Variants in UBE2U observed in about 807,000 individuals in gnomAD.
UBE2U encodes the protein ubiquitin-conjugating enzyme E2 U.
UBE2U carries 39 observed loss-of-function variants against 41.2 expected under a neutral mutation model. The ratio of observed to expected loss-of-function variants is 0.95; its 90% CI spans 0.73 to 1.24. The LOEUF (loss-of-function observed/expected upper bound fraction) is 1.24, where lower values mean the gene tolerates loss of function less well. UBE2U is among the 50% of genes most tolerant of loss of function. UBE2U has a pLI of 0.00. For missense variants in UBE2U, 336 were observed against 363.1 expected (o/e 0.93, Z 0.61); for synonymous variants, 107 against 117.8 (o/e 0.91, Z 0.60).
Position 64,203,770 on chromosome 1 carries a change from T to G in UBE2U, c.-281T>G, listed in dbSNP as rs1651117365. 1 of 334,404 alleles carries G rather than the reference T, an allele frequency of 3.0e-6. No homozygotes were observed. Among genetic ancestry groups the G allele is most frequent in the African/African-American group, 2.1e-5 (1 of 47,498 alleles). 20.7% of individuals were successfully genotyped at this position (334,404 alleles called of 1,614,324 possible). On this transcript the variant is annotated 5_prime_UTR_variant, in exon 1 of 10. Transcript: ENST00000371077. ...TCTCCGTTACTCATCCAAGTTTGTC[T>G]TGAGACTGGGCTGTGAGCCGGCACT...
intron 8 of UBE2U, among the ~76,000 whole-genome samples, chr1:64,243,777 G>A (rs825192): frequency 0.012 from 1,833 of 152,140 alleles, 27 homozygotes; most frequent in African/African-American, 0.042. Context: ...CTTCTGCCTC[G>A]GATCAGCAAG....
At chr1:64,230,536 A>G (rs1185799962) in intron 6 of UBE2U, among the ~76,000 whole-genome samples, 1 of 151,984 alleles carries the variant, frequency 6.6e-6, no homozygotes, top group African/African-American at 2.4e-5. Flanking sequence ...TGTGCACGCC[A>G]TGCTCTCTCC....
At chr1:64,245,969 GTTTC>G (rs1249825405) in intron 8 of UBE2U, among the ~76,000 whole-genome samples, 4 of 152,056 alleles carry the variant, frequency 2.6e-5, no homozygotes, top group African/African-American at 4.8e-5. Flanking sequence ...AAACTAAACT[GTTTC>G]TTTCTTGCCT....
chr1:64,242,923 C>A (rs919467334), intron 8 of UBE2U, among the ~76,000 whole-genome samples: 9 of 151,916 alleles, frequency 5.9e-5, no homozygotes, highest in Non-Finnish European at 1.2e-4. Flanking sequence ...TTTTTATTTC[C>A]TTTAACAGAA....
chr1:64,240,922 G>C (rs547134278), intron 7 of UBE2U, among the ~76,000 whole-genome samples: 2 of 152,132 alleles, frequency 1.3e-5, no homozygotes, highest in South Asian at 4.1e-4. Context: ...TGGAGATGGG[G>C]TTTCACCACA....
chr1:64,250,368 C>A (rs1644986593), intron 8 of UBE2U, among the ~76,000 whole-genome samples: 1 of 152,072 alleles, frequency 6.6e-6, no homozygotes, highest in South Asian at 2.1e-4. Context: ...AACTTTAAAC[C>A]CAGATGGCTT....
At chr1:64,266,210 A>C (rs1469415057) in intron 9 of UBE2U, among the ~76,000 whole-genome samples, 15 of 152,190 alleles carry the variant, frequency 9.9e-5, no homozygotes, top group Non-Finnish European at 1.8e-4. Context: ...TCCTTTTGAA[A>C]AGTATAATCA....
chr1:64,239,097 A>G (rs1485921700), intron 7 of UBE2U, among the ~76,000 whole-genome samples: 41 of 6,488 alleles, frequency 6.3e-3, no homozygotes, highest in African/African-American at 0.029. Flanking sequence ...GAAGAGGAAG[A>G]AGAAGAAGAA....
chr1:64,207,844 C>G (rs1161253435), intron 3 of UBE2U, among the ~76,000 whole-genome samples: 1 of 152,056 alleles, frequency 6.6e-6, no homozygotes, highest in Non-Finnish European at 1.5e-5. Flanking sequence ...CGGCCCAGGA[C>G]ATTATACTCA....
chr1:64,239,133 AAG>A lies in UBE2U; in HGVS notation c.596-2517_596-2516del, dbSNP rs1491175771. The stretch of plus-strand genomic sequence containing the variant: ...GAAGAAGAAGAAGAAGAAGAAGAAG[AAG>A]AAGAAGAAGAAGAAGAAGAAGAAAG... On this transcript the variant is annotated intron_variant, in intron 7 of 9. Transcript: ENST00000371077. 3.6e-4 allele frequency among the ~76,000 whole-genome samples: 9 copies of A among 25,022 alleles called. No individual in the cohort carries two copies. The Admixed American group carries it at 3.8e-3, about 11-fold the overall frequency. The allele number at this position is 25,022 out of a possible 152,430, so 16.4% of individuals were successfully genotyped here. A position where few individuals can be genotyped will look rare whatever the true frequency, so the allele number is the denominator to read the frequency against.
intron 7 of UBE2U, among the ~76,000 whole-genome samples, chr1:64,240,452 C>T (rs1004354331): frequency 6.6e-6 from 1 of 152,132 alleles, no homozygotes; most frequent in Non-Finnish European, 1.5e-5. Flanking sequence ...AAACTCACAG[C>T]AGTCAGATTA....
In UBE2U at chr1:64,267,215, C is replaced by A; in HGVS notation, c.*7C>A. ...AAATACTTCAGAAGATTAAGCAGAA[C>A]ATTATCAGATTCAAAAAATAAACAG... is the stretch of plus-strand genomic sequence containing the variant. On this transcript the variant is annotated 3_prime_UTR_variant, in exon 10 of 10. Coordinates refer to ENST00000371077, the MANE Select transcript of UBE2U (RefSeq NM_001366232.2). 6.7e-7 allele frequency: 1 copy of A among 1,484,824 alleles called. No individual in the cohort carries two copies. Among genetic ancestry groups the A allele is most frequent in the Non-Finnish European group, 8.9e-7 (1 of 1,119,268 alleles). 92.0% of individuals were successfully genotyped at this position (1,484,824 alleles called of 1,614,324 possible). A position where few individuals can be genotyped will look rare whatever the true frequency, so the allele number is the denominator to read the frequency against.
intron 7 of UBE2U, among the ~76,000 whole-genome samples, chr1:64,239,172 G>GAAGAAGAAGAAGAAGAAGAAGAA (rs1644779769): frequency 5.1e-4 from 49 of 95,704 alleles, no homozygotes; most frequent in African/African-American, 2.2e-3. Context: ...AGAAGAAGAA[G>GAAGAAGAAGAAGAAGAAGAAGAA]AAGAAGAAGA....
At chr1:64,238,859 T>G (rs1395118468) in intron 7 of UBE2U, among the ~76,000 whole-genome samples, 1 of 151,618 alleles carries the variant, frequency 6.6e-6, no homozygotes, top group Non-Finnish European at 1.5e-5. Flanking sequence ...CTGGGCAAAA[T>G]AGGGAGACCC....
chr1:64,228,026 C>T (rs1652995454), intron 6 of UBE2U, among the ~76,000 whole-genome samples: 1 of 152,080 alleles, frequency 6.6e-6, no homozygotes, highest in Non-Finnish European at 1.5e-5. Flanking sequence ...CAGTCTCAAT[C>T]AAAATCTTAG....
At chr1:64,213,566 A>G (rs1375226272) in intron 4 of UBE2U, among the ~76,000 whole-genome samples, 8 of 152,208 alleles carry the variant, frequency 5.3e-5, no homozygotes, top group African/African-American at 1.9e-4. Context: ...GTCTTCCCCT[A>G]TTGGACTGCA....
intron 7 of UBE2U, among the ~76,000 whole-genome samples, chr1:64,239,150 GA>G (rs1415800054): frequency 0.043 from 1,215 of 28,168 alleles, 42 homozygotes; most frequent in African/African-American, 0.083. Context: ...AGAAGAAGAA[GA>G]AGAAGAAAGA....
At chr1:64,256,855 CATCT>C (rs1645100827) in intron 8 of UBE2U, among the ~76,000 whole-genome samples, 1 of 151,270 alleles carries the variant, frequency 6.6e-6, no homozygotes, top group Non-Finnish European at 1.5e-5. Flanking sequence ...AAAATTTTGC[CATCT>C]ATCCATCTGA....
At position 64,205,661 on chromosome 1, in the gene UBE2U, G is replaced by A. The variant is rs776710510; in HGVS notation, c.89G>A (p.Ser30Asn). The change falls in exon 2 of 10, where the codon AGT (serine) becomes AAT (asparagine). Residue 30 changes from serine to asparagine, a missense_variant. Transcript: ENST00000371077. ...NYKGITAKPV[S>N]EDMMEWEVEI... ...AAGGGTATCACTGCTAAGCCTGTAA[G>A]TGAAGATATGATGGAATGGGAAGTT... 1.9e-6 allele frequency: 3 copies of A among 1,613,200 alleles called. No homozygotes were observed. Among genetic ancestry groups the A allele is most frequent in the Non-Finnish European group, 2.5e-6 (3 of 1,179,534 alleles).
Sources: allele counts gnomAD v4.1 joint callset (sites outside exome capture counted in the v4.1 genomes callset), GRCh38; gene constraint gnomAD v4.1.1; transcripts MANE v1.5; gene names NCBI Gene and HGNC (gene_info 2026-07-23, HGNC 2026-07-21).